ICA1L: variants seen among roughly 807,000 people sequenced by gnomAD.
ICA1L encodes islet cell autoantigen 1 like.
ICA1L carries 50 observed loss-of-function variants against 61.3 expected under a neutral mutation model. The observed-to-expected ratio is 0.82, with a 90% CI of 0.65 to 1.03. The LOEUF is 1.03. Among genes scored for constraint, ICA1L ranks in the 50% least tolerant of loss-of-function variants. The pLI is 0.00. For synonymous variants in ICA1L, 161 were observed against 191.3 expected, an observed-to-expected ratio of 0.84 and a Z score of 1.31; for missense variants, 508 against 556.7, an observed-to-expected ratio of 0.91 and a Z score of 0.88.
chr2:202,867,478 ATCTAAACATG>A (rs1432612518), intron 1 of ICA1L, among the ~76,000 whole-genome samples: 2 of 152,224 alleles, frequency 1.3e-5, no homozygotes, highest in African/African-American at 2.4e-5. Context: ...GTATTTGTGT[ATCTAAACATG>A]TCTAACCACT....
intron 9 of ICA1L, among the ~76,000 whole-genome samples, chr2:202,798,341 C>A (rs1692994746): frequency 6.6e-6 from 1 of 152,114 alleles, no homozygotes; most frequent in African/African-American, 2.4e-5. Flanking sequence ...GATCTTCCCA[C>A]CTCAGTAGCT....
chr2:202,851,171 C>A (rs941538313), intron 1 of ICA1L, among the ~76,000 whole-genome samples: 1 of 151,808 alleles, frequency 6.6e-6, no homozygotes, highest in African/African-American at 2.4e-5. Context: ...CTCCCCCCAC[C>A]CCACAACAGG....
At chr2:202,831,628 T>C (rs1694016759) in intron 1 of ICA1L, among the ~76,000 whole-genome samples, 1 of 152,126 alleles carries the variant, frequency 6.6e-6, no homozygotes, top group Admixed American at 6.6e-5. Flanking sequence ...GCAACCACTC[T>C]CTCCATATCT....
intron 9 of ICA1L, among the ~76,000 whole-genome samples, chr2:202,805,559 GACAACA>G (rs1165555391): frequency 1.3e-5 from 2 of 151,522 alleles, no homozygotes; most frequent in Non-Finnish European, 2.9e-5. Context: ...AACAAAGCAA[GACAACA>G]ACAACAACAA....
chr2:202,793,201 TAA>T (rs1421444005), intron 10 of ICA1L, among the ~76,000 whole-genome samples: 5 of 152,098 alleles, frequency 3.3e-5, no homozygotes, highest in Admixed American at 2.6e-4. Context: ...CAAATAAATT[TAA>T]AAGTCTACAC....
At chr2:202,827,387 C>T (rs565295873) in intron 2 of ICA1L, among the ~76,000 whole-genome samples, 27 of 149,736 alleles carry the variant, frequency 1.8e-4, no homozygotes, top group Middle Eastern at 3.4e-3. Context: ...AGTGAGACTC[C>T]ATCTCAAAAA....
At chr2:202,822,796 CT>C (rs1335450078) in intron 3 of ICA1L, among the ~76,000 whole-genome samples, 3 of 152,202 alleles carry the variant, frequency 2.0e-5, no homozygotes, top group Non-Finnish European at 1.5e-5. Flanking sequence ...CCCACTACCC[CT>C]GTCCCCGCTG....
At chr2:202,808,056 C>T (rs1693272762) in intron 9 of ICA1L, among the ~76,000 whole-genome samples, 1 of 152,116 alleles carries the variant, frequency 6.6e-6, no homozygotes, top group Non-Finnish European at 1.5e-5. Context: ...AGCTATGGTG[C>T]CCACAGGGAG....
At position 202,774,307 on chromosome 2, in the gene ICA1L, C is replaced by T. The variant is rs1692148054; in HGVS notation, c.*5226G>A. 8 of 1,503,910 alleles carry T rather than the reference C, an allele frequency of 5.3e-6. No individual in the cohort carries two copies. Among genetic ancestry groups the T allele is most frequent in the African/African-American group, 1.4e-5 (1 of 70,368 alleles). 93.2% of individuals were successfully genotyped at this position (1,503,910 alleles called of 1,614,324 possible). On this transcript the variant is annotated 3_prime_UTR_variant, in exon 13 of 13. Coordinates refer to ENST00000358299, the MANE Select transcript of ICA1L (RefSeq NM_001288622.3). ...GGCACCTACGGGCGACCGCGGACGG[C>T]GGCGCGCGCGTTCCCCGCAGCGCTG... is the stretch of plus-strand genomic sequence containing the variant.
intron 11 of ICA1L, among the ~76,000 whole-genome samples, chr2:202,787,659 G>A (rs1322323824): frequency 6.6e-6 from 1 of 152,134 alleles, no homozygotes; most frequent in African/African-American, 2.4e-5. Context: ...CATGCCCTTG[G>A]GATGCTTGTA....
chr2:202,838,633 A>G (rs1371522081), intron 1 of ICA1L, among the ~76,000 whole-genome samples: 1 of 152,216 alleles, frequency 6.6e-6, no homozygotes, highest in Non-Finnish European at 1.5e-5. Context: ...CAATTATTAT[A>G]TCTTCTTGAT....
chr2:202,859,885 A>G (rs1694864649), intron 1 of ICA1L, among the ~76,000 whole-genome samples: 1 of 152,184 alleles, frequency 6.6e-6, no homozygotes, highest in Non-Finnish European at 1.5e-5. Flanking sequence ...ATATCCCCAG[A>G]AAGCTAAAAA....
chr2:202,802,960 C>T (rs142600093), intron 9 of ICA1L, among the ~76,000 whole-genome samples: 51 of 150,990 alleles, frequency 3.4e-4, no homozygotes, highest in Non-Finnish European at 6.6e-4. Context: ...ATTGGAAGGA[C>T]AAAACAAATG....
chr2:202,843,037 G>C (rs948838756), intron 1 of ICA1L, among the ~76,000 whole-genome samples: 2 of 151,882 alleles, frequency 1.3e-5, no homozygotes, highest in African/African-American at 4.8e-5. Flanking sequence ...CTATTGTTTT[G>C]CTGATTTCAG....
At position 202,778,719 on chromosome 2, in the gene ICA1L, T is replaced by C. The variant is rs919030444; in HGVS notation, c.*814A>G. The C allele has an allele frequency of 6.6e-6, 1 of 152,616 alleles. No homozygotes were observed. Among genetic ancestry groups the C allele is most frequent in the Non-Finnish European group, 1.5e-5 (1 of 68,034 alleles). 9.5% of individuals were successfully genotyped at this position (152,616 alleles called of 1,614,324 possible). A position where few individuals can be genotyped will look rare whatever the true frequency, so the allele number is the denominator to read the frequency against. Reference sequence around the variant, plus strand: ...AATATAAATACTGCATACTACTATATAGCAAGTGTATGAAAAAGTGGGTCT... The same window carrying C: ...AATATAAATACTGCATACTACTATACAGCAAGTGTATGAAAAAGTGGGTCT... On this transcript the variant is annotated 3_prime_UTR_variant, in exon 13 of 13. Transcript: ENST00000358299.
intron 11 of ICA1L, among the ~76,000 whole-genome samples, chr2:202,787,413 T>C (rs1168116092): frequency 6.6e-6 from 1 of 152,264 alleles, no homozygotes; most frequent in Non-Finnish European, 1.5e-5. Context: ...TAAATCTTTA[T>C]AGCTACTGAG....
At chr2:202,831,751 G>A (rs1265848469) in intron 1 of ICA1L, among the ~76,000 whole-genome samples, 1 of 152,198 alleles carries the variant, frequency 6.6e-6, no homozygotes, top group Non-Finnish European at 1.5e-5. Context: ...GGGAGAAAGT[G>A]ACTGGGAGGA....
intron 12 of ICA1L, among the ~76,000 whole-genome samples, chr2:202,780,061 T>C (rs1439286008): frequency 6.6e-6 from 1 of 152,184 alleles, no homozygotes; most frequent in Non-Finnish European, 1.5e-5. Flanking sequence ...AGGCAAGCAA[T>C]ACTGTGGTCT....
rs968664988 is a variant in ICA1L at position 202,776,434 on chromosome 2, A to G, written c.*3099T>C. On this transcript the variant is annotated 3_prime_UTR_variant, in exon 13 of 13. Transcript: ENST00000358299. ...GTTCTCAGCCTACCATTGGTTAAGGATAATTAATTTACTTCTTATTGAATG... is the reference window on the plus strand; with the variant it reads ...GTTCTCAGCCTACCATTGGTTAAGGGTAATTAATTTACTTCTTATTGAATG... The G allele has an allele frequency of 2.6e-5, 4 of 152,220 alleles. No individual in the cohort carries two copies. Among genetic ancestry groups the G allele is most frequent in the Non-Finnish European group, 5.9e-5 (4 of 68,040 alleles). 9.4% of individuals were successfully genotyped at this position (152,220 alleles called of 1,614,324 possible). A position where few individuals can be genotyped will look rare whatever the true frequency, so the allele number is the denominator to read the frequency against.
Sources: allele counts gnomAD v4.1 joint callset (sites outside exome capture counted in the v4.1 genomes callset), GRCh38; gene constraint gnomAD v4.1.1; transcripts MANE v1.5; gene names NCBI Gene and HGNC (gene_info 2026-07-23, HGNC 2026-07-21).